Variants in DST observed in about 807,000 individuals in gnomAD.
The protein encoded by DST is dystonin.
DST carries 253 observed loss-of-function variants against 875.2 expected under a neutral mutation model. That is an observed-to-expected ratio of 0.29 (90% confidence interval 0.26 to 0.32). The LOEUF (loss-of-function observed/expected upper bound fraction) is 0.32, where lower values mean the gene tolerates loss of function less well. Among genes scored for constraint, DST ranks in the 10% least tolerant of loss-of-function variants. The pLI is 1.00. For synonymous variants in DST, 3,124 were observed against 3,197.1 expected (o/e 0.98, Z 0.77); for missense variants, 8,287 against 9,111.6 (o/e 0.91, Z 3.68).
intron 9 of DST, chr6:56,693,066 T>C (rs1157531033): frequency 7.8e-7 from 1 of 1,289,650 alleles, no homozygotes; most frequent in Non-Finnish European, 1.0e-6. Flanking sequence ...CAGGAGAGTA[T>C]TTTTCAGGGT....
At chr6:56,533,363 T>C (rs2096931343) in intron 63 of DST, among the ~76,000 whole-genome samples, 1 of 152,008 alleles carries the variant, frequency 6.6e-6, no homozygotes, top group African/African-American at 2.4e-5. Flanking sequence ...TGAAACACTA[T>C]GCTTCACTGC....
intron 4 of DST, among the ~76,000 whole-genome samples, chr6:56,765,248 T>A (rs1376011087): frequency 6.6e-6 from 1 of 152,226 alleles, no homozygotes; most frequent in African/African-American, 2.4e-5. Context: ...CCATTTTCAA[T>A]GATATTTTCA....
At position 56,606,374 on chromosome 6, in the gene DST, T is replaced by C. The variant is rs2098498193; in HGVS notation, c.8254A>G (p.Ser2752Gly). 1.2e-6 allele frequency: 2 copies of C among 1,613,322 alleles called. No homozygotes were observed. The highest frequency in any genetic ancestry group is 3.3e-5 in the Admixed American group (2 of 59,846). ...TCAAATTTTAATGATGCAGTGAAGC[T>C]CTCTTTTCCTCCTACAATATCATAA... ...TDYDIVGGKESFTASLKFDDS... is the reference protein window; with the variant it reads ...TDYDIVGGKEGFTASLKFDDS... The change falls in exon 40 of 104, where the codon AGC (serine) becomes GGC (glycine). Residue 2752 changes from serine to glycine, a missense_variant. By Grantham distance (56) the Ser-to-Gly change is moderately conservative. Coordinates refer to ENST00000680361, the MANE Select transcript of DST (RefSeq NM_001374736.1).
intron 4 of DST, chr6:56,843,268 G>A (rs2099802665): frequency 4.0e-6 from 5 of 1,258,930 alleles, no homozygotes; most frequent in Non-Finnish European, 3.0e-6. Flanking sequence ...AGCACGCTGG[G>A]GAGAAGCACG....
At chr6:56,802,734 A>G (rs2099748686) in intron 4 of DST, among the ~76,000 whole-genome samples, 1 of 152,168 alleles carries the variant, frequency 6.6e-6, no homozygotes, top group African/African-American at 2.4e-5. Context: ...GATGCAGGAA[A>G]GGAGCACCAT....
intron 2 of DST, among the ~76,000 whole-genome samples, chr6:56,922,866 T>C (rs1805010250): frequency 1.3e-5 from 2 of 152,190 alleles, no homozygotes; most frequent in African/African-American, 2.4e-5. Context: ...TTAGCAATTA[T>C]AATGGGTGCT....
In DST at chr6:56,732,472, C is replaced by T. The variant is rs559515337; in HGVS notation, c.687+2756G>A. On this transcript the variant is annotated intron_variant, in intron 5 of 103. Coordinates refer to ENST00000680361, the MANE Select transcript of DST (RefSeq NM_001374736.1). ...AAACATTTATAATTTTGACTTTTTT[C>T]CTTTTAATGAGCATGCTTTTGAAAT... Among the ~76,000 whole-genome samples, 4 of 151,882 alleles carry T rather than the reference C, an allele frequency of 2.6e-5. No individual in the cohort carries two copies. The East Asian group carries it at 7.7e-4, about 29-fold the overall frequency.
intron 2 of DST, among the ~76,000 whole-genome samples, chr6:56,944,538 A>G (rs1189156695): frequency 6.6e-6 from 1 of 152,160 alleles, no homozygotes; most frequent in Non-Finnish European, 1.5e-5. Flanking sequence ...AGGCTTTCTT[A>G]GTTGGAAATA....
chr6:56,626,477 G>A (rs185591935), intron 34 of DST, among the ~76,000 whole-genome samples: 11 of 152,136 alleles, frequency 7.2e-5, no homozygotes, highest in African/African-American at 2.7e-4. Context: ...TTATAGTCTA[G>A]GAGCAAGAGG....
chr6:56,888,680 A>G (rs1785823384), intron 3 of DST, among the ~76,000 whole-genome samples: 1 of 152,224 alleles, frequency 6.6e-6, no homozygotes, highest in African/African-American at 2.4e-5. Context: ...TCTTTCCTAC[A>G]CTCCAAAAAG....
intron 4 of DST, among the ~76,000 whole-genome samples, chr6:56,759,990 CA>C (rs1428316424): frequency 1.3e-5 from 2 of 152,102 alleles, no homozygotes; most frequent in Non-Finnish European, 2.9e-5. Context: ...TTTAAATTAA[CA>C]AATAATAGGA....
rs375131659 is a variant in DST, at chr6:56,532,498, A to G, written c.16954T>C (p.Leu5652=). 12 of 1,597,644 alleles carry G rather than the reference A, an allele frequency of 7.5e-6. No homozygotes were observed. The Middle Eastern group carries it at 5.0e-4, about 66-fold the overall frequency. ...ACCGTAGATTTTCGGTCATCCAACA[A>G]TCTCTGGAGAAGCTTGAGACAAAAC... ...QIQEQKLLQR[L]LDDRKSTVEV... The change falls in exon 64 of 104, where the codon TTG becomes CTG. Residue 5652 remains leucine (L), a synonymous_variant. Transcript: ENST00000680361.
In DST at chr6:56,552,518, A is replaced by G. The variant is rs748770119; in HGVS notation, c.16274T>C (p.Ile5425Thr). The G allele has an allele frequency of 6.2e-7, 1 of 1,613,940 alleles. No individual in the cohort carries two copies. The highest frequency in any genetic ancestry group is 8.5e-7 in the Non-Finnish European group (1 of 1,179,866). ...AETLQKQKETIKAFLKKLEAL... is the reference protein window; with the variant it reads ...AETLQKQKETTKAFLKKLEAL... ...TTCTAGTTTCTTTAGAAAGGCTTTT[A>G]TAGTTTCCTTTTGCTTTTGCAATGT... Residue 5425 changes from isoleucine to threonine, a missense_variant, in exon 61 of 104, where the codon ATA (isoleucine) becomes ACA (threonine). Ile to Thr is a moderately conservative substitution (Grantham distance 89). Transcript: ENST00000680361.
intron 2 of DST, among the ~76,000 whole-genome samples, chr6:56,924,511 A>G (rs972724966): frequency 1.7e-4 from 26 of 152,304 alleles, no homozygotes; most frequent in African/African-American, 6.0e-4. Context: ...GCCTGAGGAC[A>G]GGTTTAATAT....
intron 4 of DST, among the ~76,000 whole-genome samples, chr6:56,738,781 C>T (rs1430582983): frequency 1.3e-5 from 2 of 151,960 alleles, no homozygotes; most frequent in African/African-American, 2.4e-5. Flanking sequence ...TGTCACCACG[C>T]TTGGTGAATT....
intron 36 of DST, chr6:56,617,934 TG>T: frequency 1.3e-6 from 2 of 1,494,102 alleles, no homozygotes; most frequent in Non-Finnish European, 1.9e-6. Context: ...AGGAAACAAA[TG>T]AGGAAACTTG....
chr6:56,729,429 AAAAATAC>A lies in DST; in HGVS notation c.687+5792_687+5798del, dbSNP rs370772873. ...AACATGAAGAAACCCCGTCTCTACT[AAAAATAC>A]AAAATTAGCTGGGCGTGGTGGCACA... On this transcript the variant is annotated intron_variant, in intron 5 of 103. Coordinates refer to ENST00000680361, the MANE Select transcript of DST (RefSeq NM_001374736.1). Among the ~76,000 whole-genome samples, 1,463 of 152,226 alleles carry A rather than the reference AAAAATAC, an allele frequency of 9.6e-3. 8 individuals carry two copies. Among genetic ancestry groups the A allele is most frequent in the South Asian group, 0.02 (96 of 4,814 alleles).
intron 61 of DST, among the ~76,000 whole-genome samples, chr6:56,537,542 C>T (rs2097031753): frequency 6.6e-6 from 1 of 152,160 alleles, no homozygotes; most frequent in Non-Finnish European, 1.5e-5. Flanking sequence ...TAGTATGGAT[C>T]CCTACACAAA....
chr6:56,917,467 T>A (rs1801790039), intron 2 of DST, among the ~76,000 whole-genome samples: 1 of 152,226 alleles, frequency 6.6e-6, no homozygotes, highest in Non-Finnish European at 1.5e-5. Flanking sequence ...GACAATGCAT[T>A]ACATGGATAT....
Sources: allele counts gnomAD v4.1 joint callset (sites outside exome capture counted in the v4.1 genomes callset), GRCh38; gene constraint gnomAD v4.1.1; transcripts MANE v1.5; gene names NCBI Gene and HGNC (gene_info 2026-07-23, HGNC 2026-07-21).